Variants in ABI1 observed in about 807,000 individuals in gnomAD.
ABI1 encodes the protein abl interactor 1.
A neutral mutation model predicts 54.6 loss-of-function variants in ABI1; 14 were observed. That is an observed-to-expected ratio of 0.26 (90% CI 0.17 to 0.40). The LOEUF is 0.40. Ranked by LOEUF, ABI1 falls within the 10% of genes least tolerant of loss-of-function variation. The pLI, the probability that ABI1 is intolerant of heterozygous loss-of-function variation, is 1.00. For missense variants in ABI1, 443 were observed against 598.3 expected (o/e 0.74, Z 2.71); for synonymous variants, 194 against 209.3 (o/e 0.93, Z 0.63).
intron 2 of ABI1, among the ~76,000 whole-genome samples, chr10:26,818,711 G>C (rs896455114): frequency 6.6e-6 from 1 of 151,282 alleles, no homozygotes; most frequent in Non-Finnish European, 1.5e-5. Flanking sequence ...CAAGCCAGGC[G>C]TGGCGACTTA....
At chr10:26,821,769 A>T (rs2047999680) in intron 2 of ABI1, among the ~76,000 whole-genome samples, 1 of 151,498 alleles carries the variant, frequency 6.6e-6, no homozygotes, top group African/African-American at 2.4e-5. Flanking sequence ...ATTGCACTCC[A>T]GCCTGGGCAA....
intron 2 of ABI1, among the ~76,000 whole-genome samples, chr10:26,783,590 G>A (rs1842394044): frequency 6.6e-6 from 1 of 152,162 alleles, no homozygotes; most frequent in Non-Finnish European, 1.5e-5. Flanking sequence ...ACATCTCCTG[G>A]CCACTTGGGA....
At chr10:26,846,341 T>C in intron 1 of ABI1, among the ~76,000 whole-genome samples, 1 of 136,110 alleles carries the variant, frequency 7.3e-6, no homozygotes, top group East Asian at 2.4e-4. Flanking sequence ...CTTTCTCTTT[T>C]CTTTTTTTTT....
At position 26,850,672 on chromosome 10, in the gene ABI1, A is replaced by G. The variant is rs188932515; in HGVS notation, c.117+10075T>C. Among the ~76,000 whole-genome samples, 864 of 151,856 alleles carry G rather than the reference A, an allele frequency of 5.7e-3. 42 individuals carry two copies. Among genetic ancestry groups the G allele is most frequent in the Admixed American group, 0.053 (806 of 15,230 alleles). ...GACTCCGTCTCAAAAAAAAAAAAAA[A>G]AAGAAAAGAAAAGAATGATGCCCAG... On this transcript the variant is annotated intron_variant, in intron 1 of 10. Transcript: ENST00000376140.
chr10:26,822,930 G>A (rs2048077982), intron 2 of ABI1, among the ~76,000 whole-genome samples: 1 of 152,040 alleles, frequency 6.6e-6, no homozygotes, highest in African/African-American at 2.4e-5. Flanking sequence ...ACTTAAAAAT[G>A]GTTAAAATGG....
Position 26,748,756 on chromosome 10 carries a change from A to C in ABI1, c.1271-11T>G. On this transcript the variant is annotated splice_polypyrimidine_tract_variant and intron_variant, in intron 10 of 10. Coordinates refer to ENST00000376140, the MANE Select transcript of ABI1 (RefSeq NM_001012750.3). ...CATATATTGCAACAACTATGGAAAAAACAGTTGAAATATCACATGAGTGCA... is the reference window on the plus strand; with the variant it reads ...CATATATTGCAACAACTATGGAAAACACAGTTGAAATATCACATGAGTGCA... 1 of 1,600,964 alleles carries C rather than the reference A, an allele frequency of 6.2e-7. No individual in the cohort carries two copies. The highest frequency in any genetic ancestry group is 8.5e-7 in the Non-Finnish European group (1 of 1,172,170).
intron 1 of ABI1, among the ~76,000 whole-genome samples, chr10:26,833,333 A>G (rs2048810171): frequency 6.6e-6 from 1 of 152,222 alleles, no homozygotes; most frequent in African/African-American, 2.4e-5. Flanking sequence ...TTTCGATTCA[A>G]TCTGTATCCC....
chr10:26,761,661 T>TGTATAC (rs1554806655), intron 7 of ABI1, among the ~76,000 whole-genome samples: 1 of 78,940 alleles, frequency 1.3e-5, no homozygotes, highest in Non-Finnish European at 2.4e-5. Flanking sequence ...TATATATATA[T>TGTATAC]ACACACACAC....
Position 26,860,460 on chromosome 10 carries a change from G to A in ABI1, c.117+287C>T, listed in dbSNP as rs748664075. 1.3e-5 allele frequency among the ~76,000 whole-genome samples: 2 copies of A among 152,286 alleles called. No homozygotes were observed. The highest frequency in any genetic ancestry group is 1.5e-5 in the Non-Finnish European group (1 of 68,008). ...CGGGCCCTGGGGGAAGCGGACGCGA[G>A]GGGGGCGCCGGGCTGCGGCAGCGGC... On this transcript the variant is annotated intron_variant, in intron 1 of 10. Coordinates refer to ENST00000376140, the MANE Select transcript of ABI1 (RefSeq NM_001012750.3). This position sits in a 1 kb window ranked among gnomAD's most constrained non-coding sequence, Gnocchi z 4.1.
At chr10:26,792,467 G>A (rs1843596725) in intron 2 of ABI1, among the ~76,000 whole-genome samples, 1 of 152,032 alleles carries the variant, frequency 6.6e-6, no homozygotes, top group Admixed American at 6.6e-5. Flanking sequence ...GGGAAAAGAG[G>A]CATGAAAACA....
chr10:26,805,278 G>T (rs1388938271), intron 2 of ABI1, among the ~76,000 whole-genome samples: 1 of 152,118 alleles, frequency 6.6e-6, no homozygotes, highest in Non-Finnish European at 1.5e-5. Context: ...CTACTGTGAA[G>T]ACTCAGACTT....
chr10:26,832,123 T>C (rs796719873), intron 1 of ABI1, among the ~76,000 whole-genome samples: 70 of 152,228 alleles, frequency 4.6e-4, no homozygotes, highest in African/African-American at 1.7e-3. Context: ...GCACAAACAA[T>C]GACAAATATG....
At chr10:26,841,292 A>G (rs2049480109) in intron 1 of ABI1, among the ~76,000 whole-genome samples, 1 of 151,908 alleles carries the variant, frequency 6.6e-6, no homozygotes, top group Admixed American at 6.6e-5. Context: ...AATAAATTTT[A>G]TTGTATATAT....
intron 5 of ABI1, among the ~76,000 whole-genome samples, chr10:26,769,589 A>G (rs1564474038): frequency 6.6e-6 from 1 of 152,176 alleles, no homozygotes; most frequent in Non-Finnish European, 1.5e-5. Context: ...CCAATATAAT[A>G]TTTCCAGTAT....
intron 1 of ABI1, among the ~76,000 whole-genome samples, chr10:26,858,444 T>C (rs2051012392): frequency 6.7e-6 from 1 of 148,194 alleles, no homozygotes; most frequent in Admixed American, 6.7e-5. Flanking sequence ...ATCATTGCTT[T>C]GCGTGAATTC....
rs1214411231 is a variant in ABI1 at position 26,748,182 on chromosome 10, T to C, written c.*388A>G. The stretch of plus-strand genomic sequence containing the variant: ...AAAAAAAGTCTGACCAGCACCAGCA[T>C]TTAAATTTTCTGATTTTAATATTAG... On this transcript the variant is annotated 3_prime_UTR_variant, in exon 11 of 11. Coordinates refer to ENST00000376140, the MANE Select transcript of ABI1 (RefSeq NM_001012750.3). 1 of 225,334 alleles carries C rather than the reference T, an allele frequency of 4.4e-6. No homozygotes were observed. The highest frequency in any genetic ancestry group is 8.8e-6 in the Non-Finnish European group (1 of 113,442). The allele number at this position is 225,334 out of a possible 1,614,324, so 14.0% of individuals were successfully genotyped here.
chr10:26,825,487 C>A (rs993738591), intron 1 of ABI1, among the ~76,000 whole-genome samples: 1 of 152,136 alleles, frequency 6.6e-6, no homozygotes, highest in Non-Finnish European at 1.5e-5. Flanking sequence ...ATGGTGAAAC[C>A]CTGTCTCTAC....
In ABI1 at chr10:26,759,159, C is replaced by T. The variant is rs759926422; in HGVS notation, c.900G>A (p.Ser300=). 9.9e-6 allele frequency: 16 copies of T among 1,613,894 alleles called. No individual in the cohort carries two copies. The highest frequency in any genetic ancestry group is 1.2e-5 in the Non-Finnish European group (14 of 1,179,988). ...TTCGTCTGTATCCACCAGAAGATGT[C>T]GAAGAAGTAGTAGAGTTGTGTCGAG... is the stretch of plus-strand genomic sequence containing the variant. ...QISRHNSTTS[S]TSSGGYRRTP... is the part of the protein sequence containing the mutation. Residue 300 remains serine (S), a synonymous_variant, in exon 8 of 11, where the codon TCG becomes TCA. Coordinates refer to ENST00000376140, the MANE Select transcript of ABI1 (RefSeq NM_001012750.3).
At chr10:26,840,590 C>T (rs879824365) in intron 1 of ABI1, among the ~76,000 whole-genome samples, 18 of 152,094 alleles carry the variant, frequency 1.2e-4, no homozygotes, top group African/African-American at 4.1e-4. Context: ...TGACAAATTA[C>T]GTGTATCCTA....
Sources: gnomAD v4.1 joint callset for allele counts (sites outside exome capture counted in the v4.1 genomes callset) on GRCh38, gnomAD v4.1.1 for gene constraint, Gnocchi (gnomAD v3.1) non-coding constraint, MANE v1.5 for transcripts, NCBI Gene and HGNC (gene_info 2026-07-23, HGNC 2026-07-21) for gene names.